Variants in MORC1 observed in about 807,000 individuals in gnomAD.
The protein encoded by MORC1 is MORC family CW-type zinc finger 1, also known as MORC family CW-type zinc finger protein 1.
MORC1 carries 59 observed loss-of-function variants against 134.9 expected under a neutral mutation model. That is an observed-to-expected ratio of 0.44 (90% CI 0.35 to 0.54). The LOEUF is 0.54. Ranked by LOEUF, MORC1 falls within the 20% of genes least tolerant of loss-of-function variation. The probability of loss-of-function intolerance (pLI) is 0.00; values close to 1 mark genes in which losing one functional copy is unlikely to be tolerated. For synonymous variants in MORC1, 395 were observed against 391.7 expected, an observed-to-expected ratio of 1.01 and a Z score of -0.10; for missense variants, 947 against 1,134.5, an observed-to-expected ratio of 0.83 and a Z score of 2.37.
chr3:108,995,215 C>T (rs1412188773), intron 21 of MORC1, among the ~76,000 whole-genome samples: 1 of 152,170 alleles, frequency 6.6e-6, no homozygotes, highest in Non-Finnish European at 1.5e-5. Flanking sequence ...TACCACAGGA[C>T]ACTGTTCTTG....
intron 14 of MORC1, among the ~76,000 whole-genome samples, chr3:109,052,871 C>T (rs1949860294): frequency 1.3e-5 from 2 of 152,126 alleles, no homozygotes; most frequent in African/African-American, 4.8e-5. Flanking sequence ...AACTATTCCT[C>T]TGACAAAGGT....
intron 8 of MORC1, among the ~76,000 whole-genome samples, chr3:109,086,100 G>A (rs1950611515): frequency 6.6e-6 from 1 of 151,884 alleles, no homozygotes; most frequent in Non-Finnish European, 1.5e-5. Context: ...AATAGGATGG[G>A]GATGAAGAAA....
At chr3:109,068,825 T>C (rs1950254400) in intron 9 of MORC1, among the ~76,000 whole-genome samples, 1 of 151,976 alleles carries the variant, frequency 6.6e-6, no homozygotes, top group South Asian at 2.1e-4. Flanking sequence ...TTGGAAAAAA[T>C]GGATATTATA....
rs770354780 is a variant in MORC1, at chr3:108,979,578, G to C, written c.2414C>G (p.Ser805Trp). ...SVSGSCKVAS[S>W]PASSQSTPVK... ...AGGTGTGCTTTGAGAAGACGCTGGC[G>C]AAGAAGCAACTTTACAACTGCCACT... The change falls in exon 24 of 28, where the codon TCG becomes TGG. Residue 805 changes from serine (S) to tryptophan (W), a missense_variant. Around this residue, in one of 3 missense-constraint regions of MORC1, gnomAD observed 722 missense variants for 817.0 expected, o/e 0.88. Coordinates refer to ENST00000232603, the MANE Select transcript of MORC1 (RefSeq NM_014429.4). 1 of 1,614,110 alleles carries C rather than the reference G, an allele frequency of 6.2e-7. No homozygotes were observed.
intron 9 of MORC1, among the ~76,000 whole-genome samples, chr3:109,063,865 T>C (rs2107690407): frequency 6.6e-6 from 1 of 152,262 alleles, no homozygotes; most frequent in South Asian, 2.1e-4. Context: ...GTTCTCTGAA[T>C]ACAGTTGAAA....
At chr3:109,105,309 G>A (rs1287562851) in intron 3 of MORC1, among the ~76,000 whole-genome samples, 1 of 152,214 alleles carries the variant, frequency 6.6e-6, no homozygotes, top group Non-Finnish European at 1.5e-5. Context: ...CGGATCACGA[G>A]GTCGAGAGAT....
At chr3:109,060,271 A>T (rs1351818817) in intron 11 of MORC1, among the ~76,000 whole-genome samples, 1 of 151,876 alleles carries the variant, frequency 6.6e-6, no homozygotes, top group Admixed American at 6.6e-5. Context: ...GGAAAAAAAA[A>T]AAAGATAATT....
At chr3:109,044,961 GA>G (rs1251574426) in intron 14 of MORC1, among the ~76,000 whole-genome samples, 2 of 103,650 alleles carry the variant, frequency 1.9e-5, no homozygotes, top group Non-Finnish European at 5.0e-5. Context: ...AAAAAAAAAA[GA>G]AAAAGAAATA....
intron 14 of MORC1, among the ~76,000 whole-genome samples, chr3:109,052,285 G>A (rs990744282): frequency 5.9e-5 from 9 of 152,052 alleles, no homozygotes; most frequent in Non-Finnish European, 1.3e-4. Context: ...AAAAATACAT[G>A]TGGAAAAAGA....
intron 4 of MORC1, chr3:109,101,618 T>C (rs1359473828): frequency 6.6e-6 from 1 of 152,258 alleles, no homozygotes; most frequent in Non-Finnish European, 1.5e-5. Flanking sequence ...TCCTATGATA[T>C]GTTCCTATGA....
intron 24 of MORC1, among the ~76,000 whole-genome samples, chr3:108,974,909 G>A (rs1200936562): frequency 3.3e-5 from 5 of 152,210 alleles, no homozygotes; most frequent in Non-Finnish European, 7.3e-5. Flanking sequence ...TGAATTCAAA[G>A]TTTTTAGAGA....
intron 3 of MORC1, among the ~76,000 whole-genome samples, chr3:109,104,998 C>A (rs937689827): frequency 6.6e-6 from 1 of 152,174 alleles, no homozygotes; most frequent in African/African-American, 2.4e-5. Flanking sequence ...CGTCCCATCA[C>A]CCTCACCTTA....
intron 3 of MORC1, among the ~76,000 whole-genome samples, chr3:109,105,829 C>T (rs2107790663): frequency 6.6e-6 from 1 of 152,314 alleles, no homozygotes; most frequent in African/African-American, 2.4e-5. Context: ...CCTCTTCTCT[C>T]CAATTTACTT....
At chr3:109,091,828 A>C (rs1950736225) in intron 8 of MORC1, among the ~76,000 whole-genome samples, 2 of 152,234 alleles carry the variant, frequency 1.3e-5, no homozygotes, top group Non-Finnish European at 2.9e-5. Context: ...TCTATGTGCC[A>C]AAGTGAAAGT....
At chr3:109,037,426 ATTTC>A (rs1039595260) in intron 14 of MORC1, among the ~76,000 whole-genome samples, 16 of 151,746 alleles carry the variant, frequency 1.1e-4, no homozygotes, top group Admixed American at 2.0e-4. Context: ...TGCTTCTCTG[ATTTC>A]TTTCTATGTG....
chr3:108,971,399 C>A lies in MORC1; in HGVS notation c.2481G>T (p.Glu827Asp), dbSNP rs1183532765. The A allele has an allele frequency of 4.3e-6, 7 of 1,611,390 alleles. No homozygotes were observed. Among genetic ancestry groups the A allele is most frequent in the Non-Finnish European group, 5.9e-6 (7 of 1,177,840 alleles). ...GCTCAGGAAAAAAATACAGAAGAAT[C>A]TCCCTAGGAATACAAGCACAGCAGA... ...TVRKLKSKLR[E>D]ILLYFFPEHQ... The change falls in exon 25 of 28, where the codon GAG (glutamate) becomes GAT (aspartate). Residue 827 changes from glutamate to aspartate, a missense_variant. Coordinates refer to ENST00000232603, the MANE Select transcript of MORC1 (RefSeq NM_014429.4).
At chr3:109,087,041 C>T (rs1377644838) in intron 8 of MORC1, among the ~76,000 whole-genome samples, 11 of 151,956 alleles carry the variant, frequency 7.2e-5, no homozygotes, top group Non-Finnish European at 1.3e-4. Context: ...TTTTACATTG[C>T]TTTACCTGTT....
intron 8 of MORC1, among the ~76,000 whole-genome samples, chr3:109,091,509 TG>T (rs1415560923): frequency 6.6e-6 from 1 of 151,528 alleles, no homozygotes; most frequent in Non-Finnish European, 1.5e-5. Flanking sequence ...AAAGGGAGCT[TG>T]GGAGTGATGG....
At chr3:108,997,554 A>G (rs189829107) in intron 21 of MORC1, among the ~76,000 whole-genome samples, 1 of 152,234 alleles carries the variant, frequency 6.6e-6, no homozygotes, top group Admixed American at 6.5e-5. Flanking sequence ...TTGCTTCAAC[A>G]GACCACAGGC....
Sources: gnomAD v4.1 joint callset for allele counts (sites outside exome capture counted in the v4.1 genomes callset) on GRCh38, gnomAD v4.1.1 for gene constraint, gnomAD v4.1.1 regional missense constraint, MANE v1.5 for transcripts, NCBI Gene and HGNC (gene_info 2026-07-23, HGNC 2026-07-21) for gene names.